The following ZFHX3 variants were observed in gnomAD, a reference collection of about 807,000 sequenced individuals.
ZFHX3 encodes the protein zinc finger homeobox protein 3.
In ZFHX3, 42 loss-of-function variants were observed where a neutral mutation model predicts 279.1. The observed-to-expected ratio is 0.15, with a 90% CI of 0.12 to 0.19. The LOEUF is 0.19. Among genes scored for constraint, ZFHX3 ranks in the 10% least tolerant of loss-of-function variants. The pLI is 1.00. For synonymous variants in ZFHX3, 2,293 were observed against 1,957.8 expected (o/e 1.17, Z -4.52); for missense variants, 4,981 against 4,754.0 (o/e 1.05, Z -1.40).
chr16:73,658,560 C>T (rs974282804), intron 2 of ZFHX3, among the ~76,000 whole-genome samples: 2 of 152,208 alleles, frequency 1.3e-5, no homozygotes, highest in Non-Finnish European at 2.9e-5. Context: ...TCCTTGGTCT[C>T]CCAAAGTGCT....
intron 3 of ZFHX3, among the ~76,000 whole-genome samples, chr16:73,325,306 G>A (rs2015659475): frequency 6.6e-6 from 1 of 152,162 alleles, no homozygotes; most frequent in African/African-American, 2.4e-5. Context: ...TTAGGTTCTG[G>A]GTGCTTAGAG....
chr16:73,423,772 G>T (rs568254033), intron 3 of ZFHX3, among the ~76,000 whole-genome samples: 1 of 151,784 alleles, frequency 6.6e-6, no homozygotes, highest in East Asian at 1.9e-4. Flanking sequence ...TGAGGCAGGA[G>T]AATCGCTTGA....
chr16:73,349,709 CTCCCTCCT>C (rs1421026276), intron 3 of ZFHX3, among the ~76,000 whole-genome samples: 1 of 43,830 alleles, frequency 2.3e-5, no homozygotes, highest in Non-Finnish European at 4.2e-5. Flanking sequence ...CCCTCCCTCC[CTCCCTCCT>C]TCCCTCTCTC....
intron 5 of ZFHX3, among the ~76,000 whole-genome samples, chr16:73,255,669 G>T (rs1207321891): frequency 6.6e-6 from 1 of 152,196 alleles, no homozygotes; most frequent in Admixed American, 6.5e-5. Flanking sequence ...AGGCAGTACT[G>T]GGAGACACTG....
At chr16:72,903,391 C>G (rs1042934896) in intron 3 of ZFHX3, among the ~76,000 whole-genome samples, 1 of 152,152 alleles carries the variant, frequency 6.6e-6, no homozygotes, top group African/African-American at 2.4e-5. Context: ...AACAAGCCCT[C>G]TAGGCGATTC....
intron 2 of ZFHX3, among the ~76,000 whole-genome samples, chr16:73,602,133 A>T (rs1302412439): frequency 1.3e-5 from 2 of 152,246 alleles, no homozygotes; most frequent in Non-Finnish European, 2.9e-5. Context: ...CCTTGTCTCA[A>T]AACAAAACAG....
chr16:72,829,384 G>C (rs1386056682), intron 5 of ZFHX3: 1 of 178,774 alleles, frequency 5.6e-6, no homozygotes, highest in African/African-American at 2.4e-5. Context: ...CACTGGCCTT[G>C]GGAGCAGGTG....
chr16:73,185,479 T>C (rs1848901575), intron 5 of ZFHX3, among the ~76,000 whole-genome samples: 1 of 152,132 alleles, frequency 6.6e-6, no homozygotes, highest in South Asian at 2.1e-4. Flanking sequence ...AGATCAAGCT[T>C]AATATATACA....
intron 5 of ZFHX3, among the ~76,000 whole-genome samples, chr16:73,151,070 G>A (rs527486058): frequency 1.3e-5 from 2 of 152,248 alleles, no homozygotes; most frequent in African/African-American, 4.8e-5. Context: ...AATGAAAGAA[G>A]CCAGTCACAA....
intron 4 of ZFHX3, among the ~76,000 whole-genome samples, chr16:73,276,104 T>A (rs1264285879): frequency 1.3e-5 from 2 of 151,980 alleles, no homozygotes; most frequent in African/African-American, 2.4e-5. Context: ...AATTCTCTGA[T>A]CTAGTTGGTT....
intron 5 of ZFHX3, among the ~76,000 whole-genome samples, chr16:73,215,355 C>T (rs2012167317): frequency 6.6e-6 from 1 of 152,168 alleles, no homozygotes; most frequent in African/African-American, 2.4e-5. Context: ...TCCATGCAGG[C>T]CCATTACTCA....
At chr16:73,606,415 G>A (rs1261368147) in intron 2 of ZFHX3, among the ~76,000 whole-genome samples, 2 of 151,254 alleles carry the variant, frequency 1.3e-5, no homozygotes, top group Non-Finnish European at 2.9e-5. Context: ...GAACCCGAGA[G>A]GCGGAGGTTG....
At chr16:73,057,777 G>A (rs1597141036) in intron 1 of ZFHX3, among the ~76,000 whole-genome samples, 1 of 151,144 alleles carries the variant, frequency 6.6e-6, no homozygotes, top group Admixed American at 6.6e-5. Flanking sequence ...CGGCCGCCTC[G>A]CCCCCTCCGG....
At chr16:73,711,504 G>A (rs758902824) in intron 1 of ZFHX3, among the ~76,000 whole-genome samples, 23 of 152,080 alleles carry the variant, frequency 1.5e-4, no homozygotes, top group Non-Finnish European at 2.5e-4. Flanking sequence ...GAAATGGCCC[G>A]CTGCTGGCAG....
At chr16:73,847,363 C>A (rs1254996895) in intron 1 of ZFHX3, among the ~76,000 whole-genome samples, 3 of 152,134 alleles carry the variant, frequency 2.0e-5, no homozygotes, top group Non-Finnish European at 4.4e-5. Flanking sequence ...CATCAAACTA[C>A]AAAAACCAGT....
At chr16:73,735,813 T>C (rs578041194) in intron 1 of ZFHX3, among the ~76,000 whole-genome samples, 7 of 152,204 alleles carry the variant, frequency 4.6e-5, no homozygotes, top group African/African-American at 1.4e-4. Context: ...CCCTTCTCTG[T>C]AGGGTTTTGA....
intron 7 of ZFHX3, among the ~76,000 whole-genome samples, chr16:73,104,764 AACATGTGGCTG>A (rs1966275334): frequency 1.3e-5 from 2 of 152,144 alleles, no homozygotes. Flanking sequence ...GCTAACTTTT[AACATGTGGCTG>A]AAAAGTGGCT....
intron 1 of ZFHX3, among the ~76,000 whole-genome samples, chr16:73,868,915 C>A (rs1305085647): frequency 2.0e-5 from 3 of 152,108 alleles, no homozygotes; most frequent in Non-Finnish European, 4.4e-5. Flanking sequence ...TTTAAAATAG[C>A]ATTTTCATTC....
At chr16:73,721,860 C>T (rs528849551) in intron 1 of ZFHX3, among the ~76,000 whole-genome samples, 7 of 152,278 alleles carry the variant, frequency 4.6e-5, no homozygotes, top group African/African-American at 1.7e-4. Flanking sequence ...GCCTGGACAA[C>T]ATAGCAAAAC....
Sources: allele counts gnomAD v4.1 joint callset (sites outside exome capture counted in the v4.1 genomes callset), GRCh38; gene constraint gnomAD v4.1.1; transcripts MANE v1.5; gene names NCBI Gene and HGNC (gene_info 2026-07-23, HGNC 2026-07-21).